The following UPF2 variants were observed in gnomAD, a reference collection of about 807,000 sequenced individuals.
UPF2 encodes the protein regulator of nonsense transcripts 2.
Under a neutral mutation model 141.4 loss-of-function variants are expected in UPF2, and 17 were observed. That is an observed-to-expected ratio of 0.12 (90% CI 0.08 to 0.18). The LOEUF (loss-of-function observed/expected upper bound fraction) is 0.18. UPF2 is among the 10% of genes least tolerant of loss of function. The probability of loss-of-function intolerance (pLI) is 1.00; values close to 1 mark genes in which losing one functional copy is unlikely to be tolerated. For synonymous variants in UPF2, 540 were observed against 498.0 expected (o/e 1.08, Z -1.12); for missense variants, 1,152 against 1,515.9 (o/e 0.76, Z 3.99).
chr10:11,930,594 T>C (rs1031189294), intron 20 of UPF2, among the ~76,000 whole-genome samples: 5 of 151,966 alleles, frequency 3.3e-5, no homozygotes, highest in Non-Finnish European at 5.9e-5. Context: ...TTGGGCAACA[T>C]AGCAAGATCC....
chr10:11,978,127 C>T (rs1299737818), intron 9 of UPF2, among the ~76,000 whole-genome samples: 1 of 152,174 alleles, frequency 6.6e-6, no homozygotes, highest in Non-Finnish European at 1.5e-5. Flanking sequence ...TTTATTTAAA[C>T]CTTGTGTCCT....
intron 3 of UPF2, among the ~76,000 whole-genome samples, chr10:12,026,318 A>G (rs1834419021): frequency 6.6e-6 from 1 of 152,222 alleles, no homozygotes; most frequent in South Asian, 2.1e-4. Context: ...CAAAAGAACA[A>G]CAAGGTAGCT....
At position 12,016,200 on chromosome 10, in the gene UPF2, A is replaced by C. The variant is rs1834216729; in HGVS notation, c.1146-2016T>G. On this transcript the variant is annotated intron_variant, in intron 3 of 21. Transcript: ENST00000357604. This position sits in a 1 kb window ranked among gnomAD's most constrained non-coding sequence, Gnocchi z 4.1. ...CTAATAGAACTCATTTTGGAAGTGA[A>C]AAGTCATTTAAAAAAAATTTTTTTT... is the stretch of plus-strand genomic sequence containing the variant. Among the ~76,000 whole-genome samples the C allele has an allele frequency of 6.6e-6, 1 of 152,110 alleles. No homozygotes were observed.
At chr10:12,000,393 G>A (rs77380961) in intron 6 of UPF2, among the ~76,000 whole-genome samples, 24,154 of 152,112 alleles carry the variant, frequency 0.16, 2,131 homozygotes, top group South Asian at 0.27. Context: ...TAATTCTAAG[G>A]AGGGTGGCTG....
At chr10:11,945,328 C>A (rs1020989169) in intron 16 of UPF2, among the ~76,000 whole-genome samples, 11 of 152,214 alleles carry the variant, frequency 7.2e-5, no homozygotes, top group African/African-American at 2.7e-4. Flanking sequence ...GAGCTGAATT[C>A]TAACCCTTCT....
intron 21 of UPF2, among the ~76,000 whole-genome samples, chr10:11,924,491 T>G (rs1353896771): frequency 6.6e-6 from 1 of 151,758 alleles, no homozygotes; most frequent in African/African-American, 2.4e-5. Flanking sequence ...AACAGAAGAA[T>G]CACTTGAACC....
chr10:11,947,206 A>G (rs1033112753), intron 16 of UPF2, among the ~76,000 whole-genome samples: 3 of 152,240 alleles, frequency 2.0e-5, no homozygotes, highest in Non-Finnish European at 4.4e-5. Flanking sequence ...CTCAAACAAC[A>G]TCAACAAAAC....
rs58451736 is a variant in UPF2 at position 11,935,628 on chromosome 10, A to G, written c.3546+917T>C. ...TAAATACACCTAAAGGTGTATCTGA[A>G]AGCTGGCCTATATTCTCTTCATACC... On this transcript the variant is annotated intron_variant, in intron 19 of 21. Coordinates refer to ENST00000357604, the MANE Select transcript of UPF2 (RefSeq NM_015542.4). This position sits in a 1 kb window ranked among gnomAD's most constrained non-coding sequence, Gnocchi z 4.9. Among the ~76,000 whole-genome samples, 9,721 of 152,252 alleles carry G rather than the reference A, an allele frequency of 0.064. 385 individuals carry two copies. Among genetic ancestry groups the G allele is most frequent in the Non-Finnish European group, 0.092 (6,247 of 67,986 alleles).
At chr10:11,934,877 T>A (rs977311634) in intron 19 of UPF2, among the ~76,000 whole-genome samples, 1 of 152,186 alleles carries the variant, frequency 6.6e-6, no homozygotes, top group Non-Finnish European at 1.5e-5. Context: ...TGTGAGCCAC[T>A]ATGCCCGGCC....
At chr10:11,947,624 A>C (rs944596904) in intron 16 of UPF2, among the ~76,000 whole-genome samples, 1 of 151,540 alleles carries the variant, frequency 6.6e-6, no homozygotes, top group South Asian at 2.1e-4. Flanking sequence ...CTCTACAAAA[A>C]AACCCCAAAA....
Position 11,992,493 on chromosome 10 carries a change from A to T in UPF2, c.1844+5179T>A, listed in dbSNP as rs1833796126. ...GAAAACAACAGAGACTGTCTAAATA[A>T]ATAATCGCTAAGCAAACTTACAATC... On this transcript the variant is annotated intron_variant, in intron 8 of 21. Transcript: ENST00000357604. This position sits in a 1 kb window ranked among gnomAD's most constrained non-coding sequence, Gnocchi z 4.1. 2.0e-5 allele frequency among the ~76,000 whole-genome samples: 3 copies of T among 152,174 alleles called. No individual in the cohort carries two copies. The highest frequency in any genetic ancestry group is 7.2e-5 in the African/African-American group (3 of 41,436).
At chr10:11,947,348 G>GTA (rs1833013737) in intron 16 of UPF2, among the ~76,000 whole-genome samples, 1 of 152,112 alleles carries the variant, frequency 6.6e-6, no homozygotes, top group African/African-American at 2.4e-5. Flanking sequence ...AATTACTATC[G>GTA]TATATGTTGA....
At chr10:11,971,348 G>A (rs578200560) in intron 9 of UPF2, among the ~76,000 whole-genome samples, 4 of 151,664 alleles carry the variant, frequency 2.6e-5, no homozygotes, top group African/African-American at 9.7e-5. Flanking sequence ...TCCGCCTCCC[G>A]GGTTCAAGTG....
intron 2 of UPF2, among the ~76,000 whole-genome samples, chr10:12,030,156 GA>G (rs1324758585): frequency 6.6e-6 from 1 of 151,886 alleles, no homozygotes; most frequent in Non-Finnish European, 1.5e-5. Context: ...ATGCTACTGT[GA>G]AAAATATAGT....
chr10:11,946,840 G>A (rs995272045), intron 16 of UPF2, among the ~76,000 whole-genome samples: 3 of 152,010 alleles, frequency 2.0e-5, no homozygotes, highest in African/African-American at 4.8e-5. Context: ...TCAGCCTCCC[G>A]AGTAGCTGGT....
At chr10:11,933,707 A>G (rs1228468755) in intron 19 of UPF2, among the ~76,000 whole-genome samples, 1 of 146,886 alleles carries the variant, frequency 6.8e-6, no homozygotes. Flanking sequence ...TTAAGTAGGC[A>G]TTGATTAATT....
chr10:12,014,040 G>C lies in UPF2; in HGVS notation c.1290C>G (p.Asp430Glu). 2 of 1,569,952 alleles carry C rather than the reference G, an allele frequency of 1.3e-6. No homozygotes were observed. The highest frequency in any genetic ancestry group is 1.7e-6 in the Non-Finnish European group (2 of 1,157,384). ...LDENMPDLPQ[D>E]KPTPEEHGPG... ...ATCTCTTACCTTCTGGTGTTGGTTT[G>C]TCTTGAGGAAGATCTGGCATATTTT... Residue 430 changes from aspartate (D) to glutamate (E), a missense_variant, in exon 4 of 22, where the codon GAC becomes GAG. By Grantham distance (45) the Asp-to-Glu change is conservative (BLOSUM62 2). Transcript: ENST00000357604. The surrounding 1 kb of genome is among the most constrained non-coding windows in gnomAD (Gnocchi z 5.0).
At chr10:11,945,126 G>A (rs140560077) in intron 16 of UPF2, among the ~76,000 whole-genome samples, 1,598 of 152,288 alleles carry the variant, frequency 0.01, 18 homozygotes, top group Middle Eastern at 0.017. Context: ...ATTACATAAT[G>A]CTAGAGAATA....
intron 8 of UPF2, among the ~76,000 whole-genome samples, chr10:11,996,047 A>G (rs1408486015): frequency 6.6e-6 from 1 of 152,094 alleles, no homozygotes; most frequent in East Asian, 1.9e-4. Flanking sequence ...GGCACTTAGA[A>G]TTACTCCTCT....
Sources: allele counts gnomAD v4.1 joint callset (sites outside exome capture counted in the v4.1 genomes callset), GRCh38; gene constraint gnomAD v4.1.1; non-coding constraint Gnocchi (gnomAD v3.1); transcripts MANE v1.5; gene names NCBI Gene and HGNC (gene_info 2026-07-23, HGNC 2026-07-21).